The following AIG1 variants were observed in gnomAD, a reference collection of about 807,000 sequenced individuals.
The protein encoded by AIG1 is androgen-induced gene 1 protein.
In AIG1, 23 loss-of-function variants were observed where a neutral mutation model predicts 31.4. The ratio of observed to expected loss-of-function variants is 0.73; its 90% CI spans 0.53 to 1.04. AIG1 has a LOEUF of 1.04. Ranked by LOEUF, AIG1 falls within the 50% of genes least tolerant of loss-of-function variation. The pLI is 0.00. For synonymous variants in AIG1, 100 were observed against 110.5 expected, an observed-to-expected ratio of 0.90 and a Z score of 0.60; for missense variants, 274 against 295.0, an observed-to-expected ratio of 0.93 and a Z score of 0.52.
intron 3 of AIG1, chr6:143,190,523 C>T (rs942680058): frequency 1.0e-6 from 1 of 984,850 alleles, no homozygotes; most frequent in African/African-American, 1.7e-5. Context: ...ATTTCATTGT[C>T]CTGTTCTTTT....
chr6:143,194,706 C>T (rs1348586262), intron 3 of AIG1, among the ~76,000 whole-genome samples: 2 of 152,184 alleles, frequency 1.3e-5, no homozygotes, highest in South Asian at 2.1e-4. Flanking sequence ...ACCCCAGTAC[C>T]CCTGGAGAAC....
At chr6:143,096,408 A>G (rs189782279) in intron 1 of AIG1, among the ~76,000 whole-genome samples, 2 of 152,320 alleles carry the variant, frequency 1.3e-5, no homozygotes, top group African/African-American at 4.8e-5. Flanking sequence ...TGGCTAAGGT[A>G]TCTCTTCTGA....
At chr6:143,145,324 A>G (rs1048631468) in intron 2 of AIG1, among the ~76,000 whole-genome samples, 1 of 152,186 alleles carries the variant, frequency 6.6e-6, no homozygotes, top group South Asian at 2.1e-4. Flanking sequence ...ATGCCCAGCC[A>G]GTATTTTCAT....
chr6:143,230,322 G>A (rs1443430275), intron 3 of AIG1, among the ~76,000 whole-genome samples: 2 of 151,250 alleles, frequency 1.3e-5, no homozygotes, highest in Non-Finnish European at 2.9e-5. Flanking sequence ...ACTATAACAT[G>A]TAAGATAGTT....
intron 3 of AIG1, among the ~76,000 whole-genome samples, chr6:143,175,938 T>C (rs1788105485): frequency 1.3e-5 from 2 of 152,262 alleles, no homozygotes; most frequent in Admixed American, 1.3e-4. Flanking sequence ...GAGTAAACTA[T>C]GTCAGACGGA....
intron 3 of AIG1, among the ~76,000 whole-genome samples, chr6:143,261,331 C>T (rs1407653613): frequency 6.6e-6 from 1 of 152,148 alleles, no homozygotes; most frequent in Non-Finnish European, 1.5e-5. Flanking sequence ...GAGGTTTCTC[C>T]ATGTTGACCA....
chr6:143,296,004 G>A (rs1038237143), intron 4 of AIG1, among the ~76,000 whole-genome samples: 4 of 152,032 alleles, frequency 2.6e-5, no homozygotes, highest in African/African-American at 9.7e-5. Flanking sequence ...AAGAGAAATT[G>A]CAACAGTGGG....
At chr6:143,246,339 G>A (rs1562522448) in intron 3 of AIG1, among the ~76,000 whole-genome samples, 2 of 152,054 alleles carry the variant, frequency 1.3e-5, no homozygotes, top group Non-Finnish European at 2.9e-5. Flanking sequence ...AATCATCGTG[G>A]AAGGCAAGGA....
intron 1 of AIG1, among the ~76,000 whole-genome samples, chr6:143,070,644 G>A (rs1456449223): frequency 1.3e-5 from 2 of 152,192 alleles, no homozygotes; most frequent in Non-Finnish European, 2.9e-5. Flanking sequence ...CACAGGACAA[G>A]AGAGGCATAA....
chr6:143,081,379 G>T (rs970204390), intron 1 of AIG1, among the ~76,000 whole-genome samples: 1 of 152,048 alleles, frequency 6.6e-6, no homozygotes, highest in African/African-American at 2.4e-5. Flanking sequence ...ATTATTTCAT[G>T]AATTAGTACT....
intron 1 of AIG1, among the ~76,000 whole-genome samples, chr6:143,091,985 A>G (rs1184364402): frequency 6.6e-6 from 1 of 152,174 alleles, no homozygotes; most frequent in Non-Finnish European, 1.5e-5. Context: ...AGTAATATTA[A>G]TAAAATAATA....
chr6:143,331,481 T>G lies in AIG1; in HGVS notation c.516-1801T>G, dbSNP rs1423913460. ...AATATGTGACCTGTGTCTGGCTTAT[T>G]TTGCTTAGCATAATGTTTTCAAGGT... On this transcript the variant is annotated intron_variant, in intron 4 of 5. Transcript: ENST00000357847. The surrounding 1 kb of genome is among the most constrained non-coding windows in gnomAD (Gnocchi z 4.1). 2.0e-5 allele frequency among the ~76,000 whole-genome samples: 3 copies of G among 152,190 alleles called. No individual in the cohort carries two copies. The highest frequency in any genetic ancestry group is 2.0e-4 in the Admixed American group (3 of 15,284).
chr6:143,174,021 C>G (rs992273125), intron 3 of AIG1, among the ~76,000 whole-genome samples: 18 of 152,138 alleles, frequency 1.2e-4, no homozygotes, highest in African/African-American at 4.3e-4. Flanking sequence ...TGTTGTCTAT[C>G]TCACTTCTTA....
intron 1 of AIG1, among the ~76,000 whole-genome samples, chr6:143,131,435 C>T (rs1163451681): frequency 1.3e-5 from 2 of 152,184 alleles, no homozygotes; most frequent in African/African-American, 4.8e-5. Context: ...GAAATGAACA[C>T]TATCCAGGTG....
At chr6:143,073,946 C>T (rs1777516799) in intron 1 of AIG1, among the ~76,000 whole-genome samples, 1 of 152,206 alleles carries the variant, frequency 6.6e-6, no homozygotes, top group South Asian at 2.1e-4. Context: ...TTGGGGATTA[C>T]ATTTCAATAT....
chr6:143,134,823 T>A (rs1438091365), intron 1 of AIG1, among the ~76,000 whole-genome samples: 1 of 152,144 alleles, frequency 6.6e-6, no homozygotes, highest in Non-Finnish European at 1.5e-5. Flanking sequence ...TTTTCAACAT[T>A]TTATCATAAA....
chr6:143,286,051 C>T (rs1223831546), intron 4 of AIG1, among the ~76,000 whole-genome samples: 1 of 136,052 alleles, frequency 7.4e-6, no homozygotes, highest in African/African-American at 2.7e-5. Flanking sequence ...TGTTACTTTG[C>T]ACTCATATTT....
At chr6:143,109,426 G>A (rs1781082447) in intron 1 of AIG1, among the ~76,000 whole-genome samples, 1 of 152,172 alleles carries the variant, frequency 6.6e-6, no homozygotes, top group Non-Finnish European at 1.5e-5. Flanking sequence ...GTTCAGCTTC[G>A]TGGAGACTGC....
intron 2 of AIG1, among the ~76,000 whole-genome samples, chr6:143,160,960 A>T (rs781640204): frequency 1.3e-5 from 2 of 152,174 alleles, no homozygotes; most frequent in African/African-American, 2.4e-5. Flanking sequence ...CTTCACACTG[A>T]GTCTCATGTG....
Sources: allele counts gnomAD v4.1 joint callset (sites outside exome capture counted in the v4.1 genomes callset), GRCh38; gene constraint gnomAD v4.1.1; non-coding constraint Gnocchi (gnomAD v3.1); transcripts MANE v1.5; gene names NCBI Gene and HGNC (gene_info 2026-07-23, HGNC 2026-07-21).